The following HDAC9 variants were observed in gnomAD, a reference collection of about 807,000 sequenced individuals.
HDAC9 encodes the protein MEF-2 interacting transcription repressor (MITR) protein.
A neutral mutation model predicts 139.4 loss-of-function variants in HDAC9; 41 were observed. The observed-to-expected ratio is 0.29, with a 90% CI of 0.23 to 0.38. The LOEUF (loss-of-function observed/expected upper bound fraction) is 0.38, where lower values mean the gene tolerates loss of function less well. HDAC9 is among the 10% of genes least tolerant of loss of function. HDAC9 has a pLI of 1.00. For synonymous variants in HDAC9, 517 were observed against 476.2 expected (o/e 1.09, Z -1.12); for missense variants, 1,147 against 1,297.0 (o/e 0.88, Z 1.78).
At chr7:18,621,311 A>G (rs1055363111) in intron 6 of HDAC9, among the ~76,000 whole-genome samples, 3 of 151,896 alleles carry the variant, frequency 2.0e-5, no homozygotes, top group African/African-American at 7.2e-5. Context: ...ATTTTAGAGT[A>G]TACACAAATT....
intron 1 of HDAC9, among the ~76,000 whole-genome samples, chr7:18,091,963 C>A (rs1404498995): frequency 6.6e-6 from 1 of 152,168 alleles, no homozygotes; most frequent in African/African-American, 2.4e-5. Context: ...GTCTCTCTTG[C>A]TCCAGTCTGA....
chr7:18,392,061 GAC>G (rs1353717399), intron 1 of HDAC9, among the ~76,000 whole-genome samples: 6 of 152,054 alleles, frequency 3.9e-5, no homozygotes, highest in Non-Finnish European at 7.4e-5. Flanking sequence ...AGGTGAGCAA[GAC>G]ACAGTGAAAA....
At chr7:18,905,004 T>G (rs1802093242) in intron 22 of HDAC9, among the ~76,000 whole-genome samples, 1 of 152,072 alleles carries the variant, frequency 6.6e-6, no homozygotes, top group African/African-American at 2.4e-5. Context: ...GTTCAAGGGA[T>G]TCTACTGCTT....
intron 2 of HDAC9, among the ~76,000 whole-genome samples, chr7:18,182,447 A>G (rs1480871884): frequency 6.6e-6 from 1 of 152,244 alleles, no homozygotes; most frequent in Non-Finnish European, 1.5e-5. Context: ...GGGAAAACAG[A>G]CAAACATAGT....
At chr7:18,581,371 C>G (rs1827776217) in intron 2 of HDAC9, among the ~76,000 whole-genome samples, 1 of 152,054 alleles carries the variant, frequency 6.6e-6, no homozygotes, top group African/African-American at 2.4e-5. Context: ...AGTGATTAGT[C>G]TCTGAACAAA....
intron 2 of HDAC9, among the ~76,000 whole-genome samples, chr7:18,536,494 A>C (rs1010507289): frequency 6.6e-6 from 1 of 152,236 alleles, no homozygotes; most frequent in African/African-American, 2.4e-5. Flanking sequence ...TGAAATATTT[A>C]ATTTTCAGGA....
intron 19 of HDAC9, among the ~76,000 whole-genome samples, chr7:18,832,274 T>G (rs1164224143): frequency 6.6e-6 from 1 of 152,232 alleles, no homozygotes; most frequent in Non-Finnish European, 1.5e-5. Context: ...GAAAGTTAAT[T>G]CAAATGTCCT....
chr7:18,535,791 A>G (rs1296726837), intron 2 of HDAC9, among the ~76,000 whole-genome samples: 2 of 150,084 alleles, frequency 1.3e-5, no homozygotes, highest in African/African-American at 4.9e-5. Flanking sequence ...AGCTTTTGAA[A>G]TTTACATTTC....
At chr7:18,522,266 C>A (rs950989277) in intron 2 of HDAC9, among the ~76,000 whole-genome samples, 2 of 152,082 alleles carry the variant, frequency 1.3e-5, no homozygotes, top group Non-Finnish European at 2.9e-5. Flanking sequence ...GCCACACACT[C>A]TGAAAGACTA....
chr7:18,140,023 A>G (rs1436826870), intron 1 of HDAC9, among the ~76,000 whole-genome samples: 1 of 152,182 alleles, frequency 6.6e-6, no homozygotes, highest in Non-Finnish European at 1.5e-5. Flanking sequence ...GTCATTTGTT[A>G]TGGCAGCCAC....
chr7:18,468,244 A>G (rs1794454146), intron 1 of HDAC9, among the ~76,000 whole-genome samples: 1 of 152,204 alleles, frequency 6.6e-6, no homozygotes, highest in Non-Finnish European at 1.5e-5. Flanking sequence ...CCTCCTTGAG[A>G]AGAGGGTATC....
upstream of HDAC9, chr7:18,290,275 A>G (rs1797722043): frequency 5.9e-6 from 2 of 339,340 alleles, no homozygotes; most frequent in Non-Finnish European, 1.2e-5. Flanking sequence ...CCCCCAAGTT[A>G]TGCAGTCTTT....
chr7:18,196,053 A>G (rs568906552), intron 2 of HDAC9, among the ~76,000 whole-genome samples: 1 of 152,202 alleles, frequency 6.6e-6, no homozygotes, highest in Admixed American at 6.5e-5. Context: ...CATGCATTAC[A>G]TTCCTCCATA....
chr7:18,522,094 G>C (rs1805234187), intron 2 of HDAC9, among the ~76,000 whole-genome samples: 1 of 152,126 alleles, frequency 6.6e-6, no homozygotes, highest in South Asian at 2.1e-4. Flanking sequence ...AAGACCAACA[G>C]GAGGATGTTA....
chr7:18,807,116 A>T lies in HDAC9; in HGVS notation c.2322+13664A>T, dbSNP rs544682978. Among the ~76,000 whole-genome samples, 26 of 152,222 alleles carry T rather than the reference A, an allele frequency of 1.7e-4. No individual in the cohort carries two copies. In the South Asian group the frequency reaches 5.4e-3, roughly 32 times the overall value. Reference sequence around the variant, plus strand: ...CTTTGTTGGGATTTTTAAATTTTTGATTCAATCTCCTTGCTGTTGCCTGCT... The same window carrying T: ...CTTTGTTGGGATTTTTAAATTTTTGTTTCAATCTCCTTGCTGTTGCCTGCT... On this transcript the variant is annotated intron_variant, in intron 17 of 25. Coordinates refer to ENST00000686413, the MANE Select transcript of HDAC9 (RefSeq NM_178425.4).
intron 1 of HDAC9, among the ~76,000 whole-genome samples, chr7:18,145,631 A>G (rs1450694888): frequency 2.0e-5 from 3 of 152,236 alleles, no homozygotes; most frequent in Admixed American, 2.0e-4. Flanking sequence ...GGAACACTCC[A>G]GAAGACTGAC....
intron 23 of HDAC9, among the ~76,000 whole-genome samples, chr7:18,951,945 A>G (rs1344669247): frequency 6.6e-6 from 1 of 151,898 alleles, no homozygotes; most frequent in Non-Finnish European, 1.5e-5. Context: ...TCTAAATGCC[A>G]CTTGCCTTCT....
chr7:18,182,979 C>T lies in HDAC9; in HGVS notation c.25+20630C>T, dbSNP rs114419356. On this transcript the variant is annotated intron_variant, in intron 2 of 12. Transcript: ENST00000417496. ...GAAGCTTTCAGGGCAGTATCTTATA[C>T]CTGTTTATGGCTGCCAGTCACTTAA... Among the ~76,000 whole-genome samples the T allele has an allele frequency of 2.7e-3, 406 of 152,044 alleles. 2 individuals carry two copies. Among genetic ancestry groups the T allele is most frequent in the African/African-American group, 9.0e-3 (372 of 41,474 alleles).
At chr7:18,785,881 G>A (rs777488841) in intron 16 of HDAC9, among the ~76,000 whole-genome samples, 23 of 151,968 alleles carry the variant, frequency 1.5e-4, no homozygotes, top group Non-Finnish European at 2.5e-4. Flanking sequence ...ATTAATGGTC[G>A]CTGTAAGAAT....
Sources: gnomAD v4.1 joint callset for allele counts (sites outside exome capture counted in the v4.1 genomes callset) on GRCh38, gnomAD v4.1.1 for gene constraint, MANE v1.5 for transcripts, NCBI Gene and HGNC (gene_info 2026-07-23, HGNC 2026-07-21) for gene names.